TENM3: variants seen among roughly 807,000 people sequenced by gnomAD.
The protein encoded by TENM3 is teneurin-3.
Under a neutral mutation model 255.1 loss-of-function variants are expected in TENM3, and 63 were observed. That is an observed-to-expected ratio of 0.25 (90% CI 0.20 to 0.30). The LOEUF (loss-of-function observed/expected upper bound fraction) is 0.30. TENM3 is among the 10% of genes least tolerant of loss of function. The pLI is 1.00. For missense variants in TENM3, 2,929 were observed against 3,461.1 expected (o/e 0.85, Z 3.86); for synonymous variants, 1,306 against 1,322.3 (o/e 0.99, Z 0.27).
the TENM3 span, among the ~76,000 whole-genome samples, chr4:181,883,699 G>T: frequency 1.3e-5 from 2 of 152,172 alleles, no homozygotes; most frequent in Admixed American, 6.5e-5. Flanking sequence ...GGATGGTCTC[G>T]ATCTCCTGAC....
rs11411695 is a variant in TENM3, at chr4:182,765,134, T to TAA, written c.4893-8330_4893-8329dup. ...ACCATGGCACAGTCTAGCATGTGATTAAAAAAAAATGTCTGATTGGAACTT... is the reference window on the plus strand; with the variant it reads ...ACCATGGCACAGTCTAGCATGTGATTAAAAAAAAAAATGTCTGATTGGAACTT... On this transcript the variant is annotated intron_variant, in intron 22 of 27. Transcript: ENST00000511685. Among the ~76,000 whole-genome samples the TAA allele has an allele frequency of 6.0e-3, 908 of 151,242 alleles. 9 individuals are homozygous for TAA. The highest frequency in any genetic ancestry group is 0.021 in the African/African-American group (858 of 41,192).
At chr4:181,647,035 A>T in the TENM3 span, among the ~76,000 whole-genome samples, 105 of 152,322 alleles carry the variant, frequency 6.9e-4, 1 homozygote, top group Non-Finnish European at 9.7e-4. Flanking sequence ...AAGAATGTCT[A>T]AGCAGAGTGT....
intron 3 of TENM3, among the ~76,000 whole-genome samples, chr4:182,538,966 T>G (rs1395921445): frequency 6.6e-6 from 1 of 151,898 alleles, no homozygotes; most frequent in Non-Finnish European, 1.5e-5. Context: ...GTCAAGCCAC[T>G]AGATCTGTGG....
chr4:182,770,452 C>A (rs77537271), intron 22 of TENM3, among the ~76,000 whole-genome samples: 1 of 152,114 alleles, frequency 6.6e-6, no homozygotes, highest in Non-Finnish European at 1.5e-5. Context: ...CGACACCTTC[C>A]TCCGCAGCCC....
At chr4:182,122,955 C>G in the TENM3 span, among the ~76,000 whole-genome samples, 1 of 152,334 alleles carries the variant, frequency 6.6e-6, no homozygotes, top group South Asian at 2.1e-4. Context: ...TCCGTCAGCA[C>G]TTGCTGTTTC....
rs538735654 is a variant in TENM3 at position 182,269,134 on chromosome 4, C to T, written c.-76+25658C>T. Among the ~76,000 whole-genome samples the T allele has an allele frequency of 1.7e-4, 26 of 152,198 alleles. No individual in the cohort carries two copies. In the East Asian group the frequency reaches 3.9e-3, roughly 23 times the overall value. The stretch of plus-strand genomic sequence containing the variant: ...TACAGAGCTCTTGAAATGGACAGTT[C>T]GGAAATGCTAGTTTTTGACAGGTGT... On this transcript the variant is annotated intron_variant, in intron 1 of 27. Transcript: ENST00000511685.
chr4:182,396,010 A>C (rs1045909687), intron 3 of TENM3, among the ~76,000 whole-genome samples: 13 of 152,228 alleles, frequency 8.5e-5, no homozygotes, highest in Admixed American at 4.6e-4. Context: ...ATAAAATAGA[A>C]TTGTCATTCC....
At chr4:182,635,207 C>G (rs1279793329) in intron 5 of TENM3, among the ~76,000 whole-genome samples, 1 of 152,170 alleles carries the variant, frequency 6.6e-6, no homozygotes, top group Non-Finnish European at 1.5e-5. Flanking sequence ...TTATCTTGCC[C>G]TTTTGGCCAG....
the TENM3 span, among the ~76,000 whole-genome samples, chr4:181,811,628 A>G: frequency 0.047 from 7,126 of 152,312 alleles, 228 homozygotes; most frequent in African/African-American, 0.082. Flanking sequence ...ATGGTGGAAG[A>G]CAAAGCATGA....
chr4:182,607,579 G>T (rs1283562672), intron 4 of TENM3, among the ~76,000 whole-genome samples: 1 of 152,132 alleles, frequency 6.6e-6, no homozygotes, highest in Non-Finnish European at 1.5e-5. Context: ...TCAGAAGTGA[G>T]ACCCCAGTTT....
At chr4:182,609,645 A>C (rs1451690572) in intron 4 of TENM3, among the ~76,000 whole-genome samples, 1 of 152,210 alleles carries the variant, frequency 6.6e-6, no homozygotes, top group Non-Finnish European at 1.5e-5. Flanking sequence ...TCACAGTAAT[A>C]TAATATTGCT....
At chr4:182,152,634 T>G (rs1323093560) in intron 1 of TENM3, among the ~76,000 whole-genome samples, 2 of 151,978 alleles carry the variant, frequency 1.3e-5, no homozygotes, top group East Asian at 3.9e-4. Flanking sequence ...TTAAGCTGAT[T>G]TGCCAGTAAG....
At chr4:182,401,745 G>A (rs972390829) in intron 3 of TENM3, among the ~76,000 whole-genome samples, 1 of 151,956 alleles carries the variant, frequency 6.6e-6, no homozygotes, top group Admixed American at 6.6e-5. Flanking sequence ...TTTAATGACT[G>A]GTCATAACAG....
chr4:181,540,656 A>C, the TENM3 span, among the ~76,000 whole-genome samples: 5 of 152,286 alleles, frequency 3.3e-5, no homozygotes, highest in South Asian at 1.0e-3. Flanking sequence ...CAGTCTAGTC[A>C]TGAGGAAAAC....
chr4:182,224,593 G>T (rs1756031067), intron 1 of TENM3, among the ~76,000 whole-genome samples: 1 of 152,216 alleles, frequency 6.6e-6, no homozygotes, highest in Non-Finnish European at 1.5e-5. Flanking sequence ...ACAAACCACA[G>T]TCTGGCCCCA....
chr4:182,347,893 G>A (rs1025983740), intron 3 of TENM3, among the ~76,000 whole-genome samples: 11 of 152,152 alleles, frequency 7.2e-5, no homozygotes, highest in Non-Finnish European at 1.6e-4. Context: ...AGAATTGCAT[G>A]ACATTTGAAA....
At chr4:182,229,999 G>A (rs55894325) in intron 1 of TENM3, among the ~76,000 whole-genome samples, 2,851 of 151,962 alleles carry the variant, frequency 0.019, 36 homozygotes, top group Middle Eastern at 0.031. Flanking sequence ...ATTTTTATCT[G>A]CAGATCTCAA....
intron 3 of TENM3, among the ~76,000 whole-genome samples, chr4:182,594,558 C>T (rs1746994753): frequency 6.6e-6 from 1 of 152,120 alleles, no homozygotes; most frequent in Non-Finnish European, 1.5e-5. Context: ...ATTTCCTCTC[C>T]AGGCGTATTT....
the TENM3 span, among the ~76,000 whole-genome samples, chr4:181,783,829 C>T: frequency 2.0e-4 from 31 of 152,002 alleles, no homozygotes; most frequent in Non-Finnish European, 3.2e-4. Flanking sequence ...CCTCCAGAGT[C>T]GCTAGGATTA....
Sources: allele counts gnomAD v4.1 joint callset (sites outside exome capture counted in the v4.1 genomes callset), GRCh38; gene constraint gnomAD v4.1.1; transcripts MANE v1.5; gene names NCBI Gene and HGNC (gene_info 2026-07-23, HGNC 2026-07-21).